CCDC92B: variants seen among roughly 807,000 people sequenced by gnomAD.
CCDC92B encodes the protein coiled-coil domain-containing 92B.
Under a neutral mutation model 5.6 loss-of-function variants are expected in CCDC92B, and 2 were observed. The observed-to-expected ratio is 0.36, with a 90% CI of 0.15 to 1.12. The LOEUF (loss-of-function observed/expected upper bound fraction) is 1.12. CCDC92B is among the 50% of genes most tolerant of loss of function. The probability of loss-of-function intolerance (pLI) is 0.40; values close to 1 mark genes in which losing one functional copy is unlikely to be tolerated. For missense variants in CCDC92B, 271 were observed against 262.2 expected (o/e 1.03, Z -0.23); for synonymous variants, 115 against 122.3 (o/e 0.94, Z 0.39).
Position 2,739,446 on chromosome 17 carries a change from A to T in CCDC92B, c.-23-4278T>A, listed in dbSNP as rs574719191. Among the ~76,000 whole-genome samples, 553 of 151,608 alleles carry T rather than the reference A, an allele frequency of 3.6e-3. 2 individuals carry two copies. The highest frequency in any genetic ancestry group is 6.0e-3 in the Non-Finnish European group (409 of 67,924). On this transcript the variant is annotated intron_variant, in intron 1 of 3. Transcript: ENST00000614400. ...CTGTAATCCCAGCACTTTGGGAGGC[A>T]GAGGCAGGCAGATCAGGAGGTCAGG...
intron 3 of CCDC92B, among the ~76,000 whole-genome samples, chr17:2,728,872 T>C (rs2070766055): frequency 6.6e-6 from 1 of 152,220 alleles, no homozygotes; most frequent in Non-Finnish European, 1.5e-5. Flanking sequence ...CTGATCTTCA[T>C]GCATGAATAC....
rs58659149 is a variant in CCDC92B, at chr17:2,748,506, TTGTGTG to T, written c.-24+899_-24+904del. ...GCAAAGCCATAAGTCTTCATCGTGT[TTGTGTG>T]TGTGTGTGTGTGTGTGTGTGTGTGT... On this transcript the variant is annotated intron_variant, in intron 1 of 3. Transcript: ENST00000614400. 0.012 allele frequency: 11,557 copies of T among 964,260 alleles called. 398 individuals are homozygous for T. In the African/African-American group the frequency reaches 0.14, roughly 12 times the overall value. The allele number at this position is 964,260 out of a possible 1,614,324, so 59.7% of individuals were successfully genotyped here. A position where few individuals can be genotyped will look rare whatever the true frequency, so the allele number is the denominator to read the frequency against.
chr17:2,748,351 C>T, intron 1 of CCDC92B: 3 of 982,842 alleles, frequency 3.1e-6, no homozygotes, highest in Non-Finnish European at 3.6e-6. Flanking sequence ...CGACTCTCTC[C>T]CGCCTCTCTG....
In CCDC92B at chr17:2,739,787, C is replaced by T. The variant is rs142863089; in HGVS notation, c.-23-4619G>A. Among the ~76,000 whole-genome samples, 14 of 152,176 alleles carry T rather than the reference C, an allele frequency of 9.2e-5. No individual in the cohort carries two copies. In the East Asian group the frequency reaches 2.5e-3, roughly 27 times the overall value. On this transcript the variant is annotated intron_variant, in intron 1 of 3. Transcript: ENST00000614400. ...CTCAGTCAATGCTACCTCCCTTCTT[C>T]CTCTTCTTCTCTGTCCATTTAATGT...
intron 1 of CCDC92B, among the ~76,000 whole-genome samples, chr17:2,737,215 A>T (rs2070867447): frequency 6.6e-6 from 1 of 152,086 alleles, no homozygotes; most frequent in African/African-American, 2.4e-5. Flanking sequence ...CTTTGGAGGA[A>T]CCTGCCTTCA....
intron 1 of CCDC92B, chr17:2,748,432 C>CTGTGTG (rs142915709): frequency 5.6e-5 from 51 of 916,830 alleles, no homozygotes; most frequent in Non-Finnish European, 6.1e-5. Context: ...ACTCTTTGTT[C>CTGTGTG]TGTGTGTGTG....
intron 3 of CCDC92B, among the ~76,000 whole-genome samples, chr17:2,726,030 C>G (rs559038744): frequency 1.6e-5 from 2 of 123,142 alleles, no homozygotes; most frequent in African/African-American, 3.2e-5. Context: ...GAGTCTTGCT[C>G]TGTCGCCAGG....
At chr17:2,744,827 G>A (rs2070967195) in intron 1 of CCDC92B, among the ~76,000 whole-genome samples, 2 of 152,106 alleles carry the variant, frequency 1.3e-5, no homozygotes, top group South Asian at 4.1e-4. Context: ...TTGGGAGACA[G>A]AGGTGAACAG....
At position 2,726,566 on chromosome 17, in the gene CCDC92B, C is replaced by G. The variant is rs1486189480; in HGVS notation, c.179-1566G>C. 3.3e-5 allele frequency among the ~76,000 whole-genome samples: 5 copies of G among 152,272 alleles called. No individual in the cohort carries two copies. The East Asian group carries it at 9.7e-4, about 29-fold the overall frequency. ...TCCTGACCTCAGGTCATCCTCCCGCCTCAGCCTCCCAAAGTGCTGGGATTA... is the reference window on the plus strand; with the variant it reads ...TCCTGACCTCAGGTCATCCTCCCGCGTCAGCCTCCCAAAGTGCTGGGATTA... On this transcript the variant is annotated intron_variant, in intron 3 of 3. Transcript: ENST00000614400.
intron 1 of CCDC92B, among the ~76,000 whole-genome samples, chr17:2,741,934 C>T (rs538017096): frequency 6.2e-4 from 89 of 143,470 alleles, no homozygotes; most frequent in Middle Eastern, 3.7e-3. Flanking sequence ...TGCAGTGAGC[C>T]GAGATCACGC....
At chr17:2,748,404 A>G in intron 1 of CCDC92B, 2 of 984,952 alleles carry the variant, frequency 2.0e-6, no homozygotes, top group South Asian at 9.4e-5. Context: ...AGCTAGCACC[A>G]CAGTCTGCCA....
chr17:2,739,853 A>C (rs577247701), intron 1 of CCDC92B, among the ~76,000 whole-genome samples: 16 of 151,980 alleles, frequency 1.1e-4, no homozygotes, highest in Non-Finnish European at 2.1e-4. Flanking sequence ...TCACTTTCTC[A>C]TTCACTCATT....
At chr17:2,748,055 C>T (rs375866443) in intron 1 of CCDC92B, 64 of 511,698 alleles carry the variant, frequency 1.3e-4, no homozygotes, top group Admixed American at 1.0e-3. Context: ...AAGCACCCCA[C>T]TGGGTGCTCG....
intron 3 of CCDC92B, among the ~76,000 whole-genome samples, chr17:2,725,488 C>T (rs1229701565): frequency 2.0e-5 from 3 of 151,866 alleles, no homozygotes; most frequent in East Asian, 2.0e-4. Flanking sequence ...GCTCAGTGGC[C>T]TTCCTTGTTC....
chr17:2,726,327 G>A (rs993209750), intron 3 of CCDC92B, among the ~76,000 whole-genome samples: 34 of 148,090 alleles, frequency 2.3e-4, no homozygotes, highest in South Asian at 1.8e-3. Context: ...ACAGGCGCCC[G>A]CCACCATGCC....
intron 2 of CCDC92B, among the ~76,000 whole-genome samples, chr17:2,731,683 C>A (rs1057457592): frequency 6.6e-6 from 1 of 152,162 alleles, no homozygotes; most frequent in Non-Finnish European, 1.5e-5. Flanking sequence ...GGTGCCTGAG[C>A]CTTCTGCTGT....
chr17:2,746,694 C>T lies in CCDC92B; in HGVS notation c.-24+2717G>A, dbSNP rs188604910. Among the ~76,000 whole-genome samples, 8 of 152,126 alleles carry T rather than the reference C, an allele frequency of 5.3e-5. No individual in the cohort carries two copies. The East Asian group carries it at 1.4e-3, about 26-fold the overall frequency. On this transcript the variant is annotated intron_variant, in intron 1 of 3. Transcript: ENST00000614400. ...GCTTCAGCTGTTTGTTTTTTTGAGA[C>T]GGAGTCTCCTCTGTCGCCCAGGCTG...
At chr17:2,741,985 C>CAA (rs544103814) in intron 1 of CCDC92B, among the ~76,000 whole-genome samples, 4 of 73,598 alleles carry the variant, frequency 5.4e-5, no homozygotes, top group African/African-American at 5.4e-5. Flanking sequence ...GACTCCATCT[C>CAA]AAAAAAAAAA....
At chr17:2,729,375 T>C (rs2070769798) in intron 3 of CCDC92B, among the ~76,000 whole-genome samples, 2 of 151,862 alleles carry the variant, frequency 1.3e-5, no homozygotes, top group Admixed American at 1.3e-4. Flanking sequence ...GCGCCTGTTG[T>C]CTCAGCTACT....
Sources: allele counts gnomAD v4.1 joint callset (sites outside exome capture counted in the v4.1 genomes callset), GRCh38; gene constraint gnomAD v4.1.1; transcripts MANE v1.5; gene names NCBI Gene and HGNC (gene_info 2026-07-23, HGNC 2026-07-21).